The following RBFOX1 variants were observed in gnomAD, a reference collection of about 807,000 sequenced individuals.
RBFOX1 encodes the protein RNA binding protein fox-1 homolog 1.
A neutral mutation model predicts 57.7 loss-of-function variants in RBFOX1; 8 were observed. That is an observed-to-expected ratio of 0.14 (90% CI 0.08 to 0.25). The LOEUF (loss-of-function observed/expected upper bound fraction) is 0.25, where lower values mean the gene tolerates loss of function less well. Among genes scored for constraint, RBFOX1 ranks in the 10% least tolerant of loss-of-function variants. The pLI is 1.00. For synonymous variants in RBFOX1, 326 were observed against 222.4 expected (o/e 1.47, Z -4.15); for missense variants, 611 against 548.5 (o/e 1.11, Z -1.14).
At chr16:7,032,264 A>AAAAAAC (rs562577009) in intron 3 of RBFOX1, among the ~76,000 whole-genome samples, 2 of 151,974 alleles carry the variant, frequency 1.3e-5, no homozygotes, top group Non-Finnish European at 2.9e-5. Flanking sequence ...ATCTCTACTA[A>AAAAAAC]AAAAACAAAA....
intron 5 of RBFOX1, among the ~76,000 whole-genome samples, chr16:7,541,728 C>G (rs1464956767): frequency 4.6e-5 from 7 of 152,204 alleles, no homozygotes; most frequent in Admixed American, 4.6e-4. Flanking sequence ...TGCAAGCAGC[C>G]ATGCTTTCCT....
chr16:6,874,809 T>C (rs1456162686), intron 3 of RBFOX1, among the ~76,000 whole-genome samples: 1 of 152,144 alleles, frequency 6.6e-6, no homozygotes, highest in Non-Finnish European at 1.5e-5. Flanking sequence ...GATAAAAGAC[T>C]ACATACTGAT....
At chr16:6,545,037 A>T (rs2096876026) in intron 2 of RBFOX1, among the ~76,000 whole-genome samples, 1 of 152,188 alleles carries the variant, frequency 6.6e-6, no homozygotes. Context: ...GGGAAGTGGC[A>T]GAAGGCATTC....
At chr16:6,323,776 T>G (rs80295272) in intron 2 of RBFOX1, among the ~76,000 whole-genome samples, 4,264 of 151,624 alleles carry the variant, frequency 0.028, 75 homozygotes, top group East Asian at 0.047. Context: ...GTGAAGTCTG[T>G]GCTTTTTTTT....
At chr16:7,539,453 G>A (rs72773087) in intron 5 of RBFOX1, among the ~76,000 whole-genome samples, 20 of 152,254 alleles carry the variant, frequency 1.3e-4, no homozygotes, top group Non-Finnish European at 2.2e-4. Flanking sequence ...GGTGGAACAC[G>A]GGATAATATA....
chr16:6,731,953 TTAGCTGAGCC>T (rs2154174451), intron 3 of RBFOX1, among the ~76,000 whole-genome samples: 1 of 152,306 alleles, frequency 6.6e-6, no homozygotes, highest in African/African-American at 2.4e-5. Context: ...ATGTATGAAA[TTAGCTGAGCC>T]TACTAAAACC....
At chr16:7,180,857 G>A (rs553015088) in intron 4 of RBFOX1, among the ~76,000 whole-genome samples, 6 of 152,322 alleles carry the variant, frequency 3.9e-5, no homozygotes, top group African/African-American at 1.2e-4. Context: ...TAAAGCTCAT[G>A]ACATTGCCAC....
At chr16:7,342,242 C>T (rs939392415) in intron 4 of RBFOX1, among the ~76,000 whole-genome samples, 1 of 152,168 alleles carries the variant, frequency 6.6e-6, no homozygotes, top group Non-Finnish European at 1.5e-5. Context: ...CAAGTGTACT[C>T]TACTCACAAG....
intron 1 of RBFOX1, among the ~76,000 whole-genome samples, chr16:5,379,201 G>A (rs113011704): frequency 1.3e-5 from 2 of 151,670 alleles, no homozygotes; most frequent in African/African-American, 2.4e-5. Context: ...GGGGACCACA[G>A]TGAATTTAAG....
rs538236042 is a variant in RBFOX1 at position 7,093,254 on chromosome 16, G to C, written c.27+41156G>C. Among the ~76,000 whole-genome samples, 3 of 152,288 alleles carry C rather than the reference G, an allele frequency of 2.0e-5. No homozygotes were observed. The South Asian group carries it at 6.2e-4, about 32-fold the overall frequency. On this transcript the variant is annotated intron_variant, in intron 4 of 15. Coordinates refer to ENST00000550418, the MANE Select transcript of RBFOX1 (RefSeq NM_018723.4). The stretch of plus-strand genomic sequence containing the variant: ...TGGCCCAGCAGACTCTGATTACTGT[G>C]ATGAAGGTGTTCATTATATTATCCC...
At chr16:5,332,511 A>G (rs1358159933) in intron 1 of RBFOX1, among the ~76,000 whole-genome samples, 1 of 151,978 alleles carries the variant, frequency 6.6e-6, no homozygotes, top group Non-Finnish European at 1.5e-5. Context: ...TGATCTGCCT[A>G]CCTCGGCGTC....
chr16:6,629,153 A>G (rs2098350578), intron 2 of RBFOX1, among the ~76,000 whole-genome samples: 1 of 152,230 alleles, frequency 6.6e-6, no homozygotes, highest in African/African-American at 2.4e-5. Flanking sequence ...TATAATTTAC[A>G]TTGATAAGAA....
chr16:6,690,784 G>C (rs2060102244), intron 3 of RBFOX1, among the ~76,000 whole-genome samples: 1 of 137,014 alleles, frequency 7.3e-6, no homozygotes, highest in Non-Finnish European at 1.5e-5. Context: ...AACTTTAGAA[G>C]TACCATGAGC....
At chr16:5,933,617 C>A (rs540334154) in intron 4 of RBFOX1, among the ~76,000 whole-genome samples, 1 of 152,120 alleles carries the variant, frequency 6.6e-6, no homozygotes, top group Non-Finnish European at 1.5e-5. Flanking sequence ...TCTAGCAGAC[C>A]TTATTATGTT....
intron 2 of RBFOX1, among the ~76,000 whole-genome samples, chr16:6,493,289 G>C (rs1051000376): frequency 1.3e-5 from 2 of 152,148 alleles, no homozygotes; most frequent in Admixed American, 1.3e-4. Context: ...TCTTTGGAAT[G>C]GGGTGGTGGG....
intron 4 of RBFOX1, among the ~76,000 whole-genome samples, chr16:5,899,856 G>A (rs1183270899): frequency 6.6e-6 from 1 of 152,114 alleles, no homozygotes; most frequent in Non-Finnish European, 1.5e-5. Flanking sequence ...GGTGGATCAC[G>A]TGAGCCCAGG....
chr16:6,005,590 A>G (rs753623369), intron 4 of RBFOX1, among the ~76,000 whole-genome samples: 2 of 152,238 alleles, frequency 1.3e-5, no homozygotes, highest in Non-Finnish European at 2.9e-5. Flanking sequence ...TCTGTGTTGC[A>G]GGATATTAAA....
Position 6,344,643 on chromosome 16 carries a change from T to C in RBFOX1, c.-64+27586T>C, listed in dbSNP as rs2085080683. 2.7e-5 allele frequency among the ~76,000 whole-genome samples: 4 copies of C among 150,024 alleles called. No individual in the cohort carries two copies. The Admixed American group carries it at 2.7e-4, about 10-fold the overall frequency. ...CCATCTCCTGACCTCGTGATTTGCC[T>C]GCCTCGGCCTCCCAAAGTGCTGGGA... On this transcript the variant is annotated intron_variant, in intron 2 of 15. Transcript: ENST00000550418.
chr16:5,640,933 A>T (rs777831050), intron 3 of RBFOX1, among the ~76,000 whole-genome samples: 4 of 151,514 alleles, frequency 2.6e-5, no homozygotes, highest in Non-Finnish European at 4.4e-5. Flanking sequence ...ACATACACTC[A>T]TGCACACCAT....
Sources: gnomAD v4.1 joint callset for allele counts (sites outside exome capture counted in the v4.1 genomes callset) on GRCh38, gnomAD v4.1.1 for gene constraint, MANE v1.5 for transcripts, NCBI Gene and HGNC (gene_info 2026-07-23, HGNC 2026-07-21) for gene names.